GPC5: variants seen among roughly 807,000 people sequenced by gnomAD.
The protein encoded by GPC5 is glypican-5.
In GPC5, 47 loss-of-function variants were observed where a neutral mutation model predicts 53.9. That is an observed-to-expected ratio of 0.87 (90% confidence interval 0.69 to 1.11). The LOEUF is 1.11. Among genes scored for constraint, GPC5 ranks in the 50% most tolerant of loss-of-function variants. The pLI, the probability that GPC5 is intolerant of heterozygous loss-of-function variation, is 0.00. For missense variants in GPC5, 748 were observed against 713.1 expected (o/e 1.05, Z -0.56); for synonymous variants, 286 against 263.3 (o/e 1.09, Z -0.84).
chr13:92,447,709 A>G (rs539094980), intron 7 of GPC5: 2 of 152,286 alleles, frequency 1.3e-5, no homozygotes, highest in East Asian at 3.9e-4. Context: ...TAAAGATGAC[A>G]TGAAATGTAA....
chr13:92,404,215 T>G (rs1875691939), intron 7 of GPC5, among the ~76,000 whole-genome samples: 1 of 152,192 alleles, frequency 6.6e-6, no homozygotes, highest in Non-Finnish European at 1.5e-5. Flanking sequence ...TTACCTTATT[T>G]TTTGCCTTTT....
At chr13:92,239,421 C>A (rs892966419) in intron 7 of GPC5, among the ~76,000 whole-genome samples, 1 of 151,902 alleles carries the variant, frequency 6.6e-6, no homozygotes, top group Non-Finnish European at 1.5e-5. Context: ...TGAATACCCG[C>A]ACAATTCTTA....
chr13:91,761,626 G>GT (rs1349278474), intron 5 of GPC5, among the ~76,000 whole-genome samples: 2 of 152,114 alleles, frequency 1.3e-5, no homozygotes, highest in African/African-American at 2.4e-5. Context: ...ATGTTTACCA[G>GT]TTTTTTATCA....
intron 5 of GPC5, among the ~76,000 whole-genome samples, chr13:91,826,599 A>C (rs181519034): frequency 1.2e-4 from 19 of 152,224 alleles, no homozygotes; most frequent in Admixed American, 1.2e-3. Context: ...CTTGAAAATG[A>C]TGTCTATAAT....
At chr13:92,570,758 A>G (rs1882998096) in intron 7 of GPC5, among the ~76,000 whole-genome samples, 2 of 152,174 alleles carry the variant, frequency 1.3e-5, no homozygotes. Context: ...GTCTGAATTG[A>G]AATTTAACTA....
At chr13:92,054,273 T>C (rs995488408) in intron 6 of GPC5, among the ~76,000 whole-genome samples, 11 of 151,898 alleles carry the variant, frequency 7.2e-5, no homozygotes, top group African/African-American at 2.2e-4. Flanking sequence ...AGACATACTT[T>C]TGATTCTTCT....
At chr13:92,459,555 G>A (rs1169021439) in intron 7 of GPC5, among the ~76,000 whole-genome samples, 3 of 152,142 alleles carry the variant, frequency 2.0e-5, no homozygotes, top group Admixed American at 2.0e-4. Flanking sequence ...ACAGCTGGAC[G>A]ATTGTTCACA....
chr13:92,106,925 C>T (rs557182783), intron 6 of GPC5, among the ~76,000 whole-genome samples: 1 of 152,214 alleles, frequency 6.6e-6, no homozygotes, highest in South Asian at 2.1e-4. Flanking sequence ...CGGGTTCTCT[C>T]CTTCCTTTGA....
At chr13:91,855,885 A>G (rs565762782) in intron 5 of GPC5, among the ~76,000 whole-genome samples, 3 of 151,720 alleles carry the variant, frequency 2.0e-5, no homozygotes, top group Non-Finnish European at 3.0e-5. Flanking sequence ...AATGACACAC[A>G]TAAATATATA....
intron 7 of GPC5, among the ~76,000 whole-genome samples, chr13:92,385,785 A>ATATATACACGTGTATATATATACG (rs1566568339): frequency 3.6e-5 from 4 of 111,476 alleles, no homozygotes; most frequent in African/African-American, 1.4e-4. Context: ...ACATATATGT[A>ATATATACACGTGTATATATATACG]TATATATACA....
chr13:92,141,010 T>C (rs540331022), intron 6 of GPC5, among the ~76,000 whole-genome samples: 9 of 152,098 alleles, frequency 5.9e-5, no homozygotes, highest in Non-Finnish European at 1.2e-4. Flanking sequence ...AACACTTCCA[T>C]GTGGATGTTG....
chr13:92,628,893 G>T (rs140039485), intron 7 of GPC5, among the ~76,000 whole-genome samples: 3 of 152,260 alleles, frequency 2.0e-5, no homozygotes, highest in Non-Finnish European at 2.9e-5. Context: ...AATAAGAAGT[G>T]GTGGGAAGCA....
intron 2 of GPC5, among the ~76,000 whole-genome samples, chr13:91,657,590 G>A (rs2034878531): frequency 6.6e-6 from 1 of 152,088 alleles, no homozygotes; most frequent in Admixed American, 6.6e-5. Context: ...TGGATATTGA[G>A]AGACCCTAGA....
chr13:91,663,199 T>C (rs2035026577), intron 2 of GPC5, among the ~76,000 whole-genome samples: 1 of 152,182 alleles, frequency 6.6e-6, no homozygotes, highest in African/African-American at 2.4e-5. Context: ...CCACAGACAA[T>C]TGTAAAGACC....
intron 5 of GPC5, among the ~76,000 whole-genome samples, chr13:91,784,891 C>T (rs1422960017): frequency 2.0e-5 from 3 of 152,160 alleles, no homozygotes; most frequent in South Asian, 4.1e-4. Context: ...AAGTCGCTTT[C>T]ACCTCACACT....
intron 4 of GPC5, among the ~76,000 whole-genome samples, chr13:91,755,716 G>A (rs540787812): frequency 6.6e-6 from 1 of 152,080 alleles, no homozygotes; most frequent in South Asian, 2.1e-4. Context: ...TCATGCTTCT[G>A]AAATATCTTA....
intron 5 of GPC5, among the ~76,000 whole-genome samples, chr13:91,892,314 T>C (rs1046768500): frequency 1.3e-5 from 2 of 151,852 alleles, no homozygotes; most frequent in Non-Finnish European, 2.9e-5. Flanking sequence ...TTCATACCCA[T>C]AACTTTCTTC....
At chr13:92,546,245 A>T (rs1456771200) in intron 7 of GPC5, among the ~76,000 whole-genome samples, 1 of 152,198 alleles carries the variant, frequency 6.6e-6, no homozygotes, top group African/African-American at 2.4e-5. Context: ...TGCAGATGAC[A>T]TGATTGTATA....
At chr13:92,543,433 T>C (rs1221806808) in intron 7 of GPC5, among the ~76,000 whole-genome samples, 1 of 152,086 alleles carries the variant, frequency 6.6e-6, no homozygotes, top group African/African-American at 2.4e-5. Flanking sequence ...GATGTTTTTT[T>C]TCTGGTGACT....
Sources: allele counts gnomAD v4.1 joint callset (sites outside exome capture counted in the v4.1 genomes callset), GRCh38; gene constraint gnomAD v4.1.1; transcripts MANE v1.5; gene names NCBI Gene and HGNC (gene_info 2026-07-23, HGNC 2026-07-21).